DCLK2: variants seen among roughly 807,000 people sequenced by gnomAD.
DCLK2 encodes the protein serine/threonine-protein kinase DCLK2.
A neutral mutation model predicts 78.4 loss-of-function variants in DCLK2; 31 were observed. That is an observed-to-expected ratio of 0.40 (90% CI 0.30 to 0.53). The LOEUF (loss-of-function observed/expected upper bound fraction) is 0.53, where lower values mean the gene tolerates loss of function less well. Ranked by LOEUF, DCLK2 falls within the 20% of genes least tolerant of loss-of-function variation. The pLI is 0.61. For synonymous variants in DCLK2, 407 were observed against 374.9 expected (o/e 1.09, Z -0.99); for missense variants, 872 against 973.7 (o/e 0.90, Z 1.39).
chr4:150,146,273 T>G (rs746880226), intron 2 of DCLK2, among the ~76,000 whole-genome samples: 3 of 152,240 alleles, frequency 2.0e-5, no homozygotes, highest in Non-Finnish European at 4.4e-5. Flanking sequence ...ACGTCAGCAT[T>G]ACTTAGAAGT....
chr4:150,210,980 T>C (rs1361608145), intron 5 of DCLK2, among the ~76,000 whole-genome samples: 4 of 149,042 alleles, frequency 2.7e-5, no homozygotes, highest in African/African-American at 9.8e-5. Flanking sequence ...AAGAAAAAGG[T>C]TATCCCAAAA....
chr4:150,143,805 T>C (rs1022076573), intron 2 of DCLK2, among the ~76,000 whole-genome samples: 1 of 152,190 alleles, frequency 6.6e-6, no homozygotes, highest in African/African-American at 2.4e-5. Context: ...TGACTAGTTA[T>C]ATTGAGCATT....
intron 2 of DCLK2, among the ~76,000 whole-genome samples, chr4:150,183,397 C>T (rs1245533043): frequency 6.6e-6 from 1 of 152,182 alleles, no homozygotes; most frequent in East Asian, 1.9e-4. Context: ...TTTCTCAAAT[C>T]ATCCTGAAAT....
chr4:150,195,141 T>C (rs1580692508), intron 3 of DCLK2, among the ~76,000 whole-genome samples: 1 of 102,870 alleles, frequency 9.7e-6, no homozygotes, highest in East Asian at 2.4e-4. Flanking sequence ...TAGGCATTTA[T>C]ATATATATTA....
chr4:150,170,313 G>T (rs1034618885), intron 2 of DCLK2, among the ~76,000 whole-genome samples: 11 of 151,978 alleles, frequency 7.2e-5, no homozygotes, highest in African/African-American at 2.7e-4. Flanking sequence ...CAAAGTTCTG[G>T]GATTATAGGC....
chr4:150,239,882 C>G lies in DCLK2; in HGVS notation c.1700+7C>G, dbSNP rs1426238762. 7 of 1,613,342 alleles carry G rather than the reference C, an allele frequency of 4.3e-6. No individual in the cohort carries two copies. The highest frequency in any genetic ancestry group is 5.9e-6 in the Non-Finnish European group (7 of 1,179,902). On this transcript the variant is annotated splice_region_variant and intron_variant, in intron 11 of 15. Transcript: ENST00000296550. ...AAATCATTGCTGAAACTGGGTAAGA[C>G]TTCTGGTGGCCCTGGTTAGTACTTT...
At chr4:150,159,317 T>C (rs531042775) in intron 2 of DCLK2, among the ~76,000 whole-genome samples, 4 of 152,280 alleles carry the variant, frequency 2.6e-5, no homozygotes, top group South Asian at 2.1e-4. Context: ...TCTATGCACA[T>C]ACACACACCA....
rs370023271 is a variant in DCLK2 at position 150,078,996 on chromosome 4, G to T, written c.-32G>T. On this transcript the variant is annotated 5_prime_UTR_variant, in exon 1 of 16. Coordinates refer to ENST00000296550, the MANE Select transcript of DCLK2 (RefSeq NM_001040260.4). ...CTCGCACCCTTAGTCGGCCCGGAAC[G>T]TCTTTTTGCGGACGCCCTCGGAGCA... 6.6e-7 allele frequency: 1 copy of T among 1,508,060 alleles called. No individual in the cohort carries two copies. The highest frequency in any genetic ancestry group is 8.8e-7 in the Non-Finnish European group (1 of 1,131,990). The allele number at this position is 1,508,060 out of a possible 1,614,324, so 93.4% of individuals were successfully genotyped here.
chr4:150,100,403 G>A (rs1730806475), intron 1 of DCLK2, among the ~76,000 whole-genome samples: 1 of 152,198 alleles, frequency 6.6e-6, no homozygotes, highest in Admixed American at 6.5e-5. Context: ...TATGTCAACT[G>A]TGTAGAAACA....
chr4:150,089,949 C>T (rs1309509609), intron 1 of DCLK2, among the ~76,000 whole-genome samples: 2 of 152,182 alleles, frequency 1.3e-5, no homozygotes, highest in Non-Finnish European at 2.9e-5. Context: ...CCTTAACTTG[C>T]TGTGAACATG....
At position 150,220,727 on chromosome 4, in the gene DCLK2, T is replaced by C; in HGVS notation, c.1081T>C (p.Ser361Pro). The C allele has an allele frequency of 6.2e-7, 1 of 1,613,938 alleles. No individual in the cohort carries two copies. Among genetic ancestry groups the C allele is most frequent in the Non-Finnish European group, 8.5e-7 (1 of 1,179,908 alleles). ...GCAGATTTCTGCTCATGGCAGATCT[T>C]CTTCCAATGTAAACGGTGGACCTGA... ...LKQISAHGRS[S>P]SNVNGGPELD... Residue 361 changes from serine (S) to proline (P), a missense_variant, in exon 6 of 16, where the codon TCT becomes CCT. Coordinates refer to ENST00000296550, the MANE Select transcript of DCLK2 (RefSeq NM_001040260.4).
intron 2 of DCLK2, among the ~76,000 whole-genome samples, chr4:150,188,851 G>T (rs1470431824): frequency 7.0e-6 from 1 of 143,878 alleles, no homozygotes; most frequent in East Asian, 2.1e-4. Flanking sequence ...CTTGCAGTGA[G>T]CCTAGATCAT....
At chr4:150,114,521 G>A (rs1191932371) in intron 2 of DCLK2, among the ~76,000 whole-genome samples, 1 of 152,102 alleles carries the variant, frequency 6.6e-6, no homozygotes, top group Non-Finnish European at 1.5e-5. Context: ...CTGTCAAGAG[G>A]TTCTATTATG....
chr4:150,241,275 G>A (rs1477285343), intron 12 of DCLK2, among the ~76,000 whole-genome samples: 3 of 152,210 alleles, frequency 2.0e-5, no homozygotes, highest in Admixed American at 6.5e-5. Context: ...CACATGGTGG[G>A]AGCAGAGATG....
At chr4:150,236,220 G>T (rs1394744863) in intron 10 of DCLK2, among the ~76,000 whole-genome samples, 5 of 152,162 alleles carry the variant, frequency 3.3e-5, no homozygotes, top group Non-Finnish European at 1.5e-5. Flanking sequence ...AACACTGCAG[G>T]GCTAGAGTTC....
At chr4:150,199,506 AG>A (rs1739308056) in intron 4 of DCLK2, among the ~76,000 whole-genome samples, 1 of 152,226 alleles carries the variant, frequency 6.6e-6, no homozygotes, top group Non-Finnish European at 1.5e-5. Flanking sequence ...TAGAATTATT[AG>A]TACTTCATAA....
chr4:150,193,555 C>T (rs1738636241), intron 3 of DCLK2, among the ~76,000 whole-genome samples: 1 of 152,172 alleles, frequency 6.6e-6, no homozygotes, highest in Admixed American at 6.5e-5. Flanking sequence ...TCCATGCCTT[C>T]CTTCAGAATG....
rs530630824 is a variant in DCLK2 at position 150,232,323 on chromosome 4, C to T, written c.1300-14C>T. 2.7e-5 allele frequency: 44 copies of T among 1,612,868 alleles called. No individual in the cohort carries two copies. The Admixed American group carries it at 4.0e-4, about 15-fold the overall frequency. On this transcript the variant is annotated splice_polypyrimidine_tract_variant and intron_variant, in intron 8 of 15. Transcript: ENST00000296550. ...GTGATTTCTGATCTCCTCTCTATAC[C>T]GTTCATTTGACAGGAACACCTGATT...
At chr4:150,235,576 G>A (rs1742437649) in intron 10 of DCLK2, among the ~76,000 whole-genome samples, 2 of 152,152 alleles carry the variant, frequency 1.3e-5, no homozygotes, top group Admixed American at 1.3e-4. Context: ...CTCTGGAAGA[G>A]GCGAATATGT....
Sources: allele counts gnomAD v4.1 joint callset (sites outside exome capture counted in the v4.1 genomes callset), GRCh38; gene constraint gnomAD v4.1.1; transcripts MANE v1.5; gene names NCBI Gene and HGNC (gene_info 2026-07-23, HGNC 2026-07-21).